TOP2B: variants seen among roughly 807,000 people sequenced by gnomAD.
TOP2B encodes DNA topoisomerase 2-beta.
Under a neutral mutation model 193.5 loss-of-function variants are expected in TOP2B, and 51 were observed. The observed-to-expected ratio is 0.26, with a 90% CI of 0.21 to 0.33. The LOEUF (loss-of-function observed/expected upper bound fraction) is 0.33. Ranked by LOEUF, TOP2B falls within the 10% of genes least tolerant of loss-of-function variation. TOP2B has a pLI of 1.00. For synonymous variants in TOP2B, 634 were observed against 635.7 expected (o/e 1.00, Z 0.04); for missense variants, 1,378 against 1,909.3 (o/e 0.72, Z 5.19).
intron 33 of TOP2B, among the ~76,000 whole-genome samples, chr3:25,602,030 C>G (rs1354276456): frequency 1.3e-5 from 2 of 152,054 alleles, no homozygotes; most frequent in Admixed American, 6.6e-5. Context: ...ACAATTGATA[C>G]CAGGCCTTTG....
At chr3:25,598,533 A>G in intron 35 of TOP2B, 56 bp from the exon 36 acceptor site, 3 of 1,365,968 alleles carry the variant, frequency 2.2e-6, no homozygotes, top group Non-Finnish European at 2.9e-6. Context: ...GACTAGTATT[A>G]AGAACTATCA....
At chr3:25,599,606 T>A (rs1276992979) in intron 34 of TOP2B, 77 bp from the exon 35 acceptor site, 9 of 1,378,860 alleles carry the variant, frequency 6.5e-6, no homozygotes, top group Non-Finnish European at 9.0e-6. Flanking sequence ...CATTGTAGTT[T>A]ATTTCTTTGG....
chr3:25,604,908 TA>T, intron 32 of TOP2B, 38 bp from the exon 33 acceptor site: 6 of 1,460,186 alleles, frequency 4.1e-6, no homozygotes, highest in Non-Finnish European at 5.7e-6. Context: ...AAAGAGATGT[TA>T]TAAAGATCTC....
Position 25,664,815 on chromosome 3 carries a change from C to T in TOP2B, c.-518G>A. The T allele has an allele frequency of 1.0e-6, 1 of 987,634 alleles. No homozygotes were observed. The highest frequency in any genetic ancestry group is 4.5e-5 in the South Asian group (1 of 22,050). The allele number at this position is 987,634 out of a possible 1,614,324, so 61.2% of individuals were successfully genotyped here. A position where few individuals can be genotyped will look rare whatever the true frequency, so the allele number is the denominator to read the frequency against. On this transcript the variant is annotated 5_prime_UTR_variant, in exon 1 of 36. Coordinates refer to ENST00000264331, the MANE Select transcript of TOP2B (RefSeq NM_001330700.2). ...TTAGCCTCGCTGCAGCCCCGATTTC[C>T]TCACACACACACACCGAGAGGGACA...
chr3:25,634,569 T>C (rs1454890453), intron 7 of TOP2B, among the ~76,000 whole-genome samples: 1 of 151,972 alleles, frequency 6.6e-6, no homozygotes, highest in Non-Finnish European at 1.5e-5. Flanking sequence ...GAAGAGTGTA[T>C]ACTAGTTTGA....
At chr3:25,623,070 G>A (rs1299898248) in intron 21 of TOP2B, among the ~76,000 whole-genome samples, 9 of 152,126 alleles carry the variant, frequency 5.9e-5, no homozygotes, top group African/African-American at 1.4e-4. Flanking sequence ...GAGCCACCAC[G>A]CCCAGCCTTG....
Position 25,620,815 on chromosome 3 carries a change from A to G in TOP2B, c.2729T>C (p.Leu910Pro), listed in dbSNP as rs1488175992. ...MLDGLDPHPM[L>P]PNYKNFKGTI... ...GCCTTTAAAGTTTTTGTAGTTTGGA[A>G]GCTGTAGAGAAAAAGGTAAATAGCA... The change falls in exon 22 of 36, where the codon CTT (leucine) becomes CCT (proline). Residue 910 changes from leucine (L) to proline (P), a missense_variant and splice_region_variant. This residue lies in a region of TOP2B where 379 missense variants were observed against 615.1 expected (regional missense o/e 0.62). Transcript: ENST00000264331. The G allele has an allele frequency of 1.2e-6, 2 of 1,613,034 alleles. No individual in the cohort carries two copies. Among genetic ancestry groups the G allele is most frequent in the Non-Finnish European group, 1.7e-6 (2 of 1,179,382 alleles).
Position 25,664,721 on chromosome 3 carries a change from C to G in TOP2B, c.-424G>C. The G allele has an allele frequency of 6.1e-6, 6 of 985,298 alleles. No homozygotes were observed. Among genetic ancestry groups the G allele is most frequent in the Non-Finnish European group, 7.2e-6 (6 of 829,864 alleles). 61.0% of individuals were successfully genotyped at this position (985,298 alleles called of 1,614,324 possible). A position where few individuals can be genotyped will look rare whatever the true frequency, so the allele number is the denominator to read the frequency against. Reference sequence around the variant, plus strand: ...AGAGGTGCCTTGTCCTTCTCACACTCCGCGAAGGCCAGCCACTCGAGTCGC... The same window carrying G: ...AGAGGTGCCTTGTCCTTCTCACACTGCGCGAAGGCCAGCCACTCGAGTCGC... On this transcript the variant is annotated 5_prime_UTR_variant, in exon 1 of 36. Transcript: ENST00000264331.
At chr3:25,652,953 G>A (rs186474294) in intron 1 of TOP2B, among the ~76,000 whole-genome samples, 9 of 152,024 alleles carry the variant, frequency 5.9e-5, no homozygotes, top group South Asian at 2.1e-4. Flanking sequence ...AATTAGAAAC[G>A]AAAGGGGACA....
At chr3:25,624,184 A>T (rs1029523710) in intron 20 of TOP2B, 113 bp downstream of exon 20, 2 of 1,271,022 alleles carry the variant, frequency 1.6e-6, no homozygotes, top group Non-Finnish European at 1.1e-6. Flanking sequence ...TTCACCTTCT[A>T]AGTAGAATAA....
intron 13 of TOP2B, among the ~76,000 whole-genome samples, 151 bp from the exon 14 acceptor site, chr3:25,629,296 T>G (rs139957220): frequency 0.012 from 1,795 of 152,156 alleles, 30 homozygotes; most frequent in African/African-American, 0.04. Flanking sequence ...TCATACTAAA[T>G]TTTTTAATAC....
At chr3:25,599,095 C>T (rs1702016297) in intron 35 of TOP2B, among the ~76,000 whole-genome samples, 1 of 151,850 alleles carries the variant, frequency 6.6e-6, no homozygotes, top group African/African-American at 2.4e-5. Flanking sequence ...TCAAATTAGC[C>T]CTGGTCAAAT....
chr3:25,664,717 C>T lies in TOP2B; in HGVS notation c.-420G>A. ...ACGCAGAGGTGCCTTGTCCTTCTCA[C>T]ACTCCGCGAAGGCCAGCCACTCGAG... is the stretch of plus-strand genomic sequence containing the variant. On this transcript the variant is annotated 5_prime_UTR_variant, in exon 1 of 36. In the 5' UTR this introduces an upstream ATG that the reference lacks. Coordinates refer to ENST00000264331, the MANE Select transcript of TOP2B (RefSeq NM_001330700.2). The T allele has an allele frequency of 1.0e-6, 1 of 985,300 alleles. No individual in the cohort carries two copies. The highest frequency in any genetic ancestry group is 1.2e-6 in the Non-Finnish European group (1 of 829,860). 61.0% of individuals were successfully genotyped at this position (985,300 alleles called of 1,614,324 possible). A position where few individuals can be genotyped will look rare whatever the true frequency, so the allele number is the denominator to read the frequency against.
intron 2 of TOP2B, among the ~76,000 whole-genome samples, 167 bp downstream of exon 2, chr3:25,645,133 A>C (rs1369069798): frequency 6.6e-6 from 1 of 152,156 alleles, no homozygotes; most frequent in Non-Finnish European, 1.5e-5. Flanking sequence ...TTTAATCCCC[A>C]AAAAGAAGTA....
chr3:25,604,793 T>C lies in TOP2B; in HGVS notation c.4456A>G (p.Lys1486Glu), dbSNP rs1702194639. The part of the protein sequence containing the change: ...SPSFGLKQTD[K>E]VPSKTVAAKK... ...GCAGCTACCGTTTTACTTGGAACTT[T>C]ATCTGTCTGTTTCAGACCAAATGAT... The change falls in exon 33 of 36, where the codon AAA becomes GAA. Residue 1486 changes from lysine to glutamate, a missense_variant. Lys to Glu is a moderately conservative substitution (Grantham distance 56). Transcript: ENST00000264331. 6.2e-7 allele frequency: 1 copy of C among 1,613,076 alleles called. No homozygotes were observed. Among genetic ancestry groups the C allele is most frequent in the Non-Finnish European group, 8.5e-7 (1 of 1,179,412 alleles).
chr3:25,615,057 C>A (rs1467168190), intron 27 of TOP2B, 148 bp downstream of exon 27: 1 of 516,894 alleles, frequency 1.9e-6, no homozygotes, highest in East Asian at 3.4e-5. Context: ...TTTATAACTT[C>A]ACATAACTAG....
chr3:25,623,585 G>A lies in TOP2B; in HGVS notation c.2657C>T (p.Pro886Leu), dbSNP rs1325958233. 1.2e-6 allele frequency: 2 copies of A among 1,613,726 alleles called. No individual in the cohort carries two copies. Among genetic ancestry groups the A allele is most frequent in the Non-Finnish European group, 1.7e-6 (2 of 1,179,876 alleles). ...GIGTGWACKL[P>L]NYDAREIVNN... ...CACAATTTCCCTAGCATCATAGTTG[G>A]GTAGTTTACAAGCCCATCCAGTACC... The change falls in exon 21 of 36, where the codon CCC (proline) becomes CTC (leucine). Residue 886 changes from proline (P) to leucine (L), a missense_variant. Coordinates refer to ENST00000264331, the MANE Select transcript of TOP2B (RefSeq NM_001330700.2).
rs372465937 is a variant in TOP2B, at chr3:25,640,752, CTT to C, written c.395+1568_395+1569del. On this transcript the variant is annotated intron_variant, in intron 4 of 35. Coordinates refer to ENST00000264331, the MANE Select transcript of TOP2B (RefSeq NM_001330700.2). ...GTCTTATAGCTCACTTCTTCGTTGT[CTT>C]TTTTTTTTTTTTTTTTTTTTTGAGA... 3.5e-3 allele frequency among the ~76,000 whole-genome samples: 379 copies of C among 106,946 alleles called. 2 individuals are homozygous for C. Among genetic ancestry groups the C allele is most frequent in the African/African-American group, 0.01 (309 of 30,190 alleles). The allele number at this position is 106,946 out of a possible 152,430, so 70.2% of individuals were successfully genotyped here.
intron 1 of TOP2B, among the ~76,000 whole-genome samples, chr3:25,654,058 G>C (rs1703675626): frequency 6.6e-6 from 1 of 152,160 alleles, no homozygotes; most frequent in Non-Finnish European, 1.5e-5. Context: ...ACAAGGCAAG[G>C]ATGCCCAATA....
Sources: allele counts gnomAD v4.1 joint callset (sites outside exome capture counted in the v4.1 genomes callset), GRCh38; gene constraint gnomAD v4.1.1; regional missense constraint gnomAD v4.1.1; transcripts MANE v1.5; gene names NCBI Gene and HGNC (gene_info 2026-07-23, HGNC 2026-07-21).